SACS: variants seen among roughly 807,000 people sequenced by gnomAD.
SACS encodes the protein sacsin molecular chaperone.
In SACS, 197 loss-of-function variants were observed where a neutral mutation model predicts 348.0. The ratio of observed to expected loss-of-function variants is 0.57; its 90% CI spans 0.50 to 0.64. The LOEUF (loss-of-function observed/expected upper bound fraction) is 0.64, where lower values mean the gene tolerates loss of function less well. Among genes scored for constraint, SACS ranks in the 30% least tolerant of loss-of-function variants. The pLI is 0.00. For synonymous variants in SACS, 1,985 were observed against 1,910.6 expected, an observed-to-expected ratio of 1.04 and a Z score of -1.02; for missense variants, 4,999 against 5,360.8, an observed-to-expected ratio of 0.93 and a Z score of 2.11.
intron 2 of SACS, among the ~76,000 whole-genome samples, chr13:23,393,770 A>AT (rs1392284247): frequency 3.9e-4 from 59 of 149,456 alleles, no homozygotes; most frequent in African/African-American, 1.4e-3. Context: ...ATTTTTTTTT[A>AT]TTTTTTTTGA....
At position 23,333,643 on chromosome 13, in the gene SACS, C is replaced by T. The variant is rs750961199; in HGVS notation, c.10233G>A (p.Pro3411=). 61 of 1,613,616 alleles carry T rather than the reference C, an allele frequency of 3.8e-5. No homozygotes were observed. The highest frequency in any genetic ancestry group is 5.3e-5 in the African/African-American group (4 of 74,852). ...AGCGGCCACTGATGGATTTATAGCACGGAAGTGACTTTAGAATTTTTATAT... is the reference window on the plus strand; with the variant it reads ...AGCGGCCACTGATGGATTTATAGCATGGAAGTGACTTTAGAATTTTTATAT... ...QDDIKILKSL[P]CYKSISGRYV... Residue 3411 remains proline (P), a synonymous_variant, in exon 10 of 10, where the codon CCG becomes CCA. Coordinates refer to ENST00000382292, the MANE Select transcript of SACS (RefSeq NM_014363.6).
chr13:23,363,388 T>C lies in SACS; in HGVS notation c.457+1778A>G, dbSNP rs192879360. Among the ~76,000 whole-genome samples the C allele has an allele frequency of 2.0e-3, 303 of 151,570 alleles. 1 individual carries two copies. Among genetic ancestry groups the C allele is most frequent in the African/African-American group, 5.2e-3 (213 of 41,312 alleles). On this transcript the variant is annotated intron_variant, in intron 6 of 9. Coordinates refer to ENST00000382292, the MANE Select transcript of SACS (RefSeq NM_014363.6). Reference sequence around the variant, plus strand: ...GATTACAGGTGCCCGCCACCACACCTGGCTAATTTTTGTATTTTTAGTAGA... The same window carrying C: ...GATTACAGGTGCCCGCCACCACACCCGGCTAATTTTTGTATTTTTAGTAGA...
chr13:23,339,168 G>A lies in SACS; in HGVS notation c.4708C>T (p.Pro1570Ser). Reference protein sequence around the residue: ...FNSVYHITDIPIIMSREFMIM... With the variant: ...FNSVYHITDISIIMSREFMIM... ...ATGAATTCCCGACTCATAATGATGG[G>A]AATGTCAGTGATATGGTACACAGAA... The change falls in exon 10 of 10, where the codon CCC (proline) becomes TCC (serine). Residue 1570 changes from proline to serine, a missense_variant. Coordinates refer to ENST00000382292, the MANE Select transcript of SACS (RefSeq NM_014363.6). 6.2e-7 allele frequency: 1 copy of A among 1,612,868 alleles called. No individual in the cohort carries two copies. The highest frequency in any genetic ancestry group is 8.5e-7 in the Non-Finnish European group (1 of 1,179,320).
chr13:23,344,853 G>A (rs1869497330), intron 9 of SACS, among the ~76,000 whole-genome samples: 1 of 152,122 alleles, frequency 6.6e-6, no homozygotes, highest in Non-Finnish European at 1.5e-5. Context: ...TCCCTCATTT[G>A]TTCAAAATAA....
chr13:23,432,731 A>C (rs993698662), intron 1 of SACS, among the ~76,000 whole-genome samples: 3 of 152,224 alleles, frequency 2.0e-5, no homozygotes, highest in Non-Finnish European at 4.4e-5. Context: ...GCACTGATGG[A>C]GAAATGAAGA....
At chr13:23,399,451 C>T (rs985579350) in intron 2 of SACS, among the ~76,000 whole-genome samples, 1 of 152,174 alleles carries the variant, frequency 6.6e-6, no homozygotes, top group Non-Finnish European at 1.5e-5. Context: ...CTACCCTTCC[C>T]GCCTTTGCCG....
chr13:23,353,874 G>A lies in SACS; in HGVS notation c.2096C>T (p.Ser699Phe), dbSNP rs374680967. The A allele has an allele frequency of 1.0e-5, 16 of 1,556,456 alleles. No homozygotes were observed. The highest frequency in any genetic ancestry group is 2.2e-5 in the East Asian group (1 of 44,542). Residue 699 changes from serine to phenylalanine, a missense_variant and splice_region_variant, in exon 9 of 10, where the codon TCC (serine) becomes TTC (phenylalanine). Around this residue, in one of 6 missense-constraint regions of SACS, gnomAD observed 3,156 missense variants for 3,380.1 expected, o/e 0.93. Transcript: ENST00000382292. Reference sequence around the variant, plus strand: ...TCTTCCTTCAAGACTTGGGAAAAGGGACCTGAAAAGGGAAAGGAACAGCAA... The same window carrying A: ...TCTTCCTTCAAGACTTGGGAAAAGGAACCTGAAAAGGGAAAGGAACAGCAA... The part of the protein sequence containing the change: ...IYITSAEYPR[S>F]LFPSLEGRFI...
At chr13:23,374,872 A>T (rs969632499) in intron 3 of SACS, among the ~76,000 whole-genome samples, 1 of 152,168 alleles carries the variant, frequency 6.6e-6, no homozygotes, top group South Asian at 2.1e-4. Flanking sequence ...TCCAATGTCC[A>T]CCAAAAAAAA....
intron 2 of SACS, among the ~76,000 whole-genome samples, chr13:23,390,553 C>A (rs1358251640): frequency 1.3e-5 from 2 of 152,112 alleles, no homozygotes; most frequent in Admixed American, 1.3e-4. Context: ...TGGGGGCACA[C>A]ACCTATAGTC....
At position 23,411,213 on chromosome 13, in the gene SACS, C is replaced by A. The variant is rs1230387351; in HGVS notation, c.20+7G>T. 1.9e-6 allele frequency: 3 copies of A among 1,603,668 alleles called. No homozygotes were observed. Among genetic ancestry groups the A allele is most frequent in the African/African-American group, 2.7e-5 (2 of 74,910 alleles). On this transcript the variant is annotated splice_region_variant and intron_variant, in intron 2 of 9. Coordinates refer to ENST00000382292, the MANE Select transcript of SACS (RefSeq NM_014363.6). Reference sequence around the variant, plus strand: ...ATTATTGTCATTTAAAACATTAACTCATTTACCTGTTCTCCTTGGTCTCCA... The same window carrying A: ...ATTATTGTCATTTAAAACATTAACTAATTTACCTGTTCTCCTTGGTCTCCA...
intron 2 of SACS, among the ~76,000 whole-genome samples, chr13:23,383,642 T>C (rs1342673660): frequency 2.6e-5 from 4 of 152,132 alleles, no homozygotes; most frequent in Admixed American, 2.0e-4. Flanking sequence ...TGGCCCACCC[T>C]TGATAGCCCC....
chr13:23,379,005 A>G (rs1283258383), intron 2 of SACS, among the ~76,000 whole-genome samples: 1 of 152,124 alleles, frequency 6.6e-6, no homozygotes, highest in Non-Finnish European at 1.5e-5. Flanking sequence ...CTGTCTTCCA[A>G]CTCTTGCTAC....
At chr13:23,370,986 A>C in intron 4 of SACS, 92 bp downstream of exon 4, 1 of 766,772 alleles carries the variant, frequency 1.3e-6, no homozygotes, top group South Asian at 1.8e-5. Context: ...GGCGAGACTC[A>C]GTTTCAAAAA....
chr13:23,375,520 G>A (rs1008451549), intron 2 of SACS: 85 of 1,104,668 alleles, frequency 7.7e-5, no homozygotes, highest in East Asian at 1.1e-4. Flanking sequence ...AACGCTAGAG[G>A]AAGCCGCGGC....
chr13:23,333,906 G>A lies in SACS; in HGVS notation c.9970C>T (p.Leu3324=), dbSNP rs745704700. The A allele has an allele frequency of 2.5e-6, 4 of 1,613,674 alleles. No individual in the cohort carries two copies. The Admixed American group carries it at 5.0e-5, about 20-fold the overall frequency. The change falls in exon 10 of 10, where the codon CTA becomes TTA. Residue 3324 remains leucine (L), a synonymous_variant. Coordinates refer to ENST00000382292, the MANE Select transcript of SACS (RefSeq NM_014363.6). ...NAQSDKVFHA[L]MKAGCIQLAL... Reference sequence around the variant, plus strand: ...AGCTGAATACAGCCAGCTTTCATTAGAGCATGAAAAACTTTATCACTCTGG... The same window carrying A: ...AGCTGAATACAGCCAGCTTTCATTAAAGCATGAAAAACTTTATCACTCTGG...
At chr13:23,358,656 C>G (rs1870542385) in intron 6 of SACS, among the ~76,000 whole-genome samples, 175 bp from the exon 7 acceptor site, 1 of 152,060 alleles carries the variant, frequency 6.6e-6, no homozygotes, top group South Asian at 2.1e-4. Flanking sequence ...AAGACACACA[C>G]TGAAGTAAAA....
rs778808568 is a variant in SACS at position 23,330,971 on chromosome 13, G to C, written c.12905C>G (p.Ser4302Cys). The C allele has an allele frequency of 1.2e-6, 2 of 1,614,096 alleles. No homozygotes were observed. The highest frequency in any genetic ancestry group is 1.7e-6 in the Non-Finnish European group (2 of 1,179,984). ...HQSPKKLKVN[S>C]LPEILKEVTS... Reference sequence around the variant, plus strand: ...CACTTCTTTTAAGATTTCTGGTAAAGAATTAACCTTAAGCTTTTTGGGGGA... The same window carrying C: ...CACTTCTTTTAAGATTTCTGGTAAACAATTAACCTTAAGCTTTTTGGGGGA... The change falls in exon 10 of 10, where the codon TCT becomes TGT. Residue 4302 changes from serine (S) to cysteine (C), a missense_variant. By Grantham distance (112) the Ser-to-Cys change is moderately radical. Around this residue, in one of 6 missense-constraint regions of SACS, gnomAD observed 831 missense variants for 941.8 expected, o/e 0.88. Transcript: ENST00000382292.
chr13:23,399,037 A>AAAAAAAAAAAAAAAAAG (rs55848856), intron 2 of SACS, among the ~76,000 whole-genome samples: 1 of 149,750 alleles, frequency 6.7e-6, no homozygotes, highest in Non-Finnish European at 1.5e-5. Flanking sequence ...AAAAAAAAAA[A>AAAAAAAAAAAAAAAAAG]CATGGATGCC....
At chr13:23,422,514 G>A (rs947518530) in intron 1 of SACS, among the ~76,000 whole-genome samples, 2 of 152,134 alleles carry the variant, frequency 1.3e-5, no homozygotes, top group Non-Finnish European at 2.9e-5. Context: ...TGGAACCTGT[G>A]TTTTTATTAA....
Sources: gnomAD v4.1 joint callset for allele counts (sites outside exome capture counted in the v4.1 genomes callset) on GRCh38, gnomAD v4.1.1 for gene constraint, gnomAD v4.1.1 regional missense constraint, MANE v1.5 for transcripts, NCBI Gene and HGNC (gene_info 2026-07-23, HGNC 2026-07-21) for gene names.